The following BICC1 variants were observed in gnomAD, a reference collection of about 807,000 sequenced individuals.
The protein encoded by BICC1 is protein bicaudal C homolog 1.
In BICC1, 43 loss-of-function variants were observed where a neutral mutation model predicts 111.0. That is an observed-to-expected ratio of 0.39 (90% CI 0.30 to 0.50). BICC1 has a LOEUF of 0.50. BICC1 is among the 20% of genes least tolerant of loss of function. BICC1 has a pLI of 0.88. For missense variants in BICC1, 1,091 were observed against 1,203.2 expected (o/e 0.91, Z 1.38); for synonymous variants, 467 against 434.4 (o/e 1.07, Z -0.93).
intron 12 of BICC1, 92 bp from the exon 13 acceptor site, chr10:58,800,102 T>A (rs901925940): frequency 2.0e-6 from 2 of 1,021,356 alleles, no homozygotes; most frequent in Admixed American, 2.6e-5. Flanking sequence ...GGTTTTCTTT[T>A]TCGTGGCTGT....
chr10:58,585,564 C>G (rs918772375), intron 1 of BICC1, among the ~76,000 whole-genome samples: 1 of 152,108 alleles, frequency 6.6e-6, no homozygotes. Context: ...TTGCAGTCTT[C>G]GGCATATGTG....
chr10:58,584,805 A>G (rs1271911783), intron 1 of BICC1, among the ~76,000 whole-genome samples: 1 of 151,958 alleles, frequency 6.6e-6, no homozygotes. Flanking sequence ...TTTTCTTAGC[A>G]CAATGACAGT....
In BICC1 at chr10:58,789,899, T is replaced by C; in HGVS notation, c.1013T>C (p.Ile338Thr). The C allele has an allele frequency of 1.2e-6, 2 of 1,614,172 alleles. No homozygotes were observed. The highest frequency in any genetic ancestry group is 8.5e-7 in the Non-Finnish European group (1 of 1,180,014). Reference sequence around the variant, plus strand: ...TCTACCGTCTACCTCCAGGGCACCATTGAGTCTGTCTGTCTTGCAAGGCAA... The same window carrying C: ...TCTACCGTCTACCTCCAGGGCACCACTGAGTCTGTCTGTCTTGCAAGGCAA... ...KKSTVYLQGT[I>T]ESVCLARQYL... Residue 338 changes from isoleucine (I) to threonine (T), a missense_variant, in exon 8 of 21, where the codon ATT (isoleucine) becomes ACT (threonine). Ile to Thr is a moderately conservative substitution (Grantham distance 89). Coordinates refer to ENST00000373886, the MANE Select transcript of BICC1 (RefSeq NM_001080512.3).
intron 3 of BICC1, among the ~76,000 whole-genome samples, chr10:58,735,409 C>T (rs1441716067): frequency 6.6e-6 from 1 of 152,192 alleles, no homozygotes; most frequent in Non-Finnish European, 1.5e-5. Flanking sequence ...TTACACCGTG[C>T]CTTCCAGGAT....
intron 3 of BICC1, among the ~76,000 whole-genome samples, chr10:58,711,290 C>A (rs1281930248): frequency 6.6e-6 from 1 of 152,186 alleles, no homozygotes; most frequent in Admixed American, 6.5e-5. Flanking sequence ...CTAGAGAGAG[C>A]ATGGTCTAAA....
At chr10:58,761,028 AT>A (rs1199714280) in intron 3 of BICC1, among the ~76,000 whole-genome samples, 3 of 151,024 alleles carry the variant, frequency 2.0e-5, no homozygotes, top group Admixed American at 6.6e-5. Context: ...ATTTTTGTAT[AT>A]TTTTTTTTAA....
At chr10:58,529,092 T>C (rs556612281) in intron 1 of BICC1, among the ~76,000 whole-genome samples, 1 of 152,100 alleles carries the variant, frequency 6.6e-6, no homozygotes, top group Admixed American at 6.6e-5. Context: ...TCTATGGTAA[T>C]TGAGCAGAGA....
intron 1 of BICC1, among the ~76,000 whole-genome samples, chr10:58,581,711 G>C (rs761865590): frequency 3.3e-5 from 5 of 152,158 alleles, no homozygotes; most frequent in Non-Finnish European, 7.4e-5. Context: ...CAATCATACT[G>C]TATTATAAAT....
chr10:58,744,964 G>A (rs1430300306), intron 3 of BICC1, among the ~76,000 whole-genome samples: 2 of 152,156 alleles, frequency 1.3e-5, no homozygotes, highest in African/African-American at 4.8e-5. Flanking sequence ...TCTTATAAGA[G>A]TGTTTTTATT....
intron 1 of BICC1, among the ~76,000 whole-genome samples, chr10:58,578,331 G>C (rs1389007382): frequency 6.6e-6 from 1 of 151,870 alleles, no homozygotes; most frequent in Non-Finnish European, 1.5e-5. Context: ...TCTTCTACTT[G>C]TTCTTTTTAT....
At chr10:58,561,738 A>G (rs1036783921) in intron 1 of BICC1, among the ~76,000 whole-genome samples, 6 of 151,944 alleles carry the variant, frequency 3.9e-5, no homozygotes, top group Admixed American at 6.5e-5. Context: ...ATACTTTCAT[A>G]TGCTTTCATG....
At chr10:58,712,993 G>A (rs1157531104) in intron 3 of BICC1, among the ~76,000 whole-genome samples, 1 of 152,052 alleles carries the variant, frequency 6.6e-6, no homozygotes, top group Non-Finnish European at 1.5e-5. Flanking sequence ...ATTTTTATCA[G>A]CATTTTAAAA....
intron 4 of BICC1, 60 bp downstream of exon 4, chr10:58,785,140 T>C: frequency 1.0e-6 from 1 of 976,154 alleles, no homozygotes; most frequent in Non-Finnish European, 1.5e-6. Context: ...GGCTACTTCA[T>C]GCCGTTATGA....
At chr10:58,585,678 G>C (rs1423325194) in intron 1 of BICC1, among the ~76,000 whole-genome samples, 1 of 152,134 alleles carries the variant, frequency 6.6e-6, no homozygotes, top group East Asian at 1.9e-4. Flanking sequence ...AAGCACTGTG[G>C]TGAAGTGTGC....
At chr10:58,674,544 G>A (rs934905510) in intron 2 of BICC1, among the ~76,000 whole-genome samples, 2 of 152,096 alleles carry the variant, frequency 1.3e-5, no homozygotes, top group African/African-American at 2.4e-5. Flanking sequence ...AGACATCTGA[G>A]TCAGGCACTC....
At chr10:58,711,796 GT>G (rs371286787) in intron 3 of BICC1, among the ~76,000 whole-genome samples, 26 of 89,576 alleles carry the variant, frequency 2.9e-4, no homozygotes, top group African/African-American at 6.4e-4. Flanking sequence ...ATATCTGGTA[GT>G]TTTTTTTTTT....
chr10:58,744,790 A>G (rs1015464631), intron 3 of BICC1, among the ~76,000 whole-genome samples: 1 of 152,134 alleles, frequency 6.6e-6, no homozygotes. Context: ...AAGGAAAAGG[A>G]TGGATACAGG....
At chr10:58,824,024 T>C (rs907606603) in intron 20 of BICC1, 9 of 984,610 alleles carry the variant, frequency 9.1e-6, no homozygotes, top group Non-Finnish European at 1.1e-5. Flanking sequence ...TTCTTCAGAG[T>C]GAAGCTGGGT....
intron 1 of BICC1, among the ~76,000 whole-genome samples, chr10:58,579,114 T>A (rs1204246921): frequency 6.6e-6 from 1 of 152,112 alleles, no homozygotes; most frequent in Non-Finnish European, 1.5e-5. Context: ...CCACTGGTGG[T>A]CAGCCCCACT....
Sources: gnomAD v4.1 joint callset for allele counts (sites outside exome capture counted in the v4.1 genomes callset) on GRCh38, gnomAD v4.1.1 for gene constraint, MANE v1.5 for transcripts, NCBI Gene and HGNC (gene_info 2026-07-23, HGNC 2026-07-21) for gene names.